The following GRIA2 variants were observed in gnomAD, a reference collection of about 807,000 sequenced individuals.
GRIA2 encodes the protein glutamate ionotropic receptor AMPA type subunit 2, also known as glutamate receptor 2.
Under a neutral mutation model 97.3 loss-of-function variants are expected in GRIA2, and 14 were observed. The ratio of observed to expected loss-of-function variants is 0.14; its 90% CI spans 0.10 to 0.23. GRIA2 has a LOEUF of 0.23. Among genes scored for constraint, GRIA2 ranks in the 10% least tolerant of loss-of-function variants. GRIA2 has a pLI of 1.00. For missense variants in GRIA2, 558 were observed against 1,069.8 expected (o/e 0.52, Z 6.67); for synonymous variants, 412 against 387.8 (o/e 1.06, Z -0.73).
chr4:157,300,677 C>G (rs768356094), intron 2 of GRIA2, among the ~76,000 whole-genome samples: 4 of 151,928 alleles, frequency 2.6e-5, no homozygotes, highest in Non-Finnish European at 5.9e-5. Flanking sequence ...TGAGGGAGAC[C>G]AAAGAGAGTC....
intron 2 of GRIA2, among the ~76,000 whole-genome samples, chr4:157,294,041 G>A (rs1218895607): frequency 1.3e-5 from 2 of 152,104 alleles, no homozygotes; most frequent in Non-Finnish European, 2.9e-5. Context: ...TAAGTACTAT[G>A]GCACATGCGC....
chr4:157,286,978 AT>A (rs1055266917), intron 2 of GRIA2, among the ~76,000 whole-genome samples: 1 of 151,464 alleles, frequency 6.6e-6, no homozygotes, highest in Non-Finnish European at 1.5e-5. Context: ...AATTTAAAAT[AT>A]TTTTTTGATC....
intron 2 of GRIA2, among the ~76,000 whole-genome samples, chr4:157,293,805 A>G (rs1733213624): frequency 6.6e-6 from 1 of 152,072 alleles, no homozygotes; most frequent in Non-Finnish European, 1.5e-5. Flanking sequence ...GCAATGTTAG[A>G]GCAATGTGCC....
chr4:157,238,834 C>T (rs1441498196), intron 2 of GRIA2, among the ~76,000 whole-genome samples: 1 of 152,198 alleles, frequency 6.6e-6, no homozygotes, highest in East Asian at 1.9e-4. Flanking sequence ...AAAGTCTAGT[C>T]TTTCATACCC....
At chr4:157,363,286 A>G (rs1158737239) in intron 15 of GRIA2, 149 bp from the exon 16 acceptor site, 1 of 611,848 alleles carries the variant, frequency 1.6e-6, no homozygotes, top group Admixed American at 3.4e-5. Context: ...TATTATTTGT[A>G]GTTCAGCTTT....
At chr4:157,289,530 A>G (rs943436241) in intron 2 of GRIA2, among the ~76,000 whole-genome samples, 2 of 151,860 alleles carry the variant, frequency 1.3e-5, no homozygotes, top group Non-Finnish European at 2.9e-5. Context: ...GGTAAAATTC[A>G]AGATTCTTAA....
At chr4:157,356,518 A>T (rs981639281) in intron 12 of GRIA2, among the ~76,000 whole-genome samples, 1 of 151,968 alleles carries the variant, frequency 6.6e-6, no homozygotes, top group Non-Finnish European at 1.5e-5. Flanking sequence ...GTTGCTTATG[A>T]GGGTGGTGAT....
chr4:157,225,717 T>C (rs1370476745), intron 2 of GRIA2, among the ~76,000 whole-genome samples: 1 of 151,664 alleles, frequency 6.6e-6, no homozygotes, highest in Non-Finnish European at 1.5e-5. Context: ...TTGGTAGCTG[T>C]GGTCTTGTCT....
intron 6 of GRIA2, among the ~76,000 whole-genome samples, chr4:157,322,695 T>C (rs1734630245): frequency 6.6e-6 from 1 of 152,154 alleles, no homozygotes; most frequent in South Asian, 2.1e-4. Flanking sequence ...TCACATTCTT[T>C]ATGAAAATTA....
chr4:157,312,166 A>G (rs957182298), intron 3 of GRIA2, among the ~76,000 whole-genome samples: 9 of 152,232 alleles, frequency 5.9e-5, no homozygotes, highest in Non-Finnish European at 1.3e-4. Flanking sequence ...TGAAAACAAT[A>G]GGAGAAAATA....
At chr4:157,233,778 T>G (rs1730124850) in intron 2 of GRIA2, among the ~76,000 whole-genome samples, 1 of 152,102 alleles carries the variant, frequency 6.6e-6, no homozygotes, top group South Asian at 2.1e-4. Context: ...TTTTATAGCT[T>G]TATGTATAAT....
intron 2 of GRIA2, among the ~76,000 whole-genome samples, chr4:157,253,102 T>C (rs1369319357): frequency 1.3e-5 from 2 of 151,764 alleles, no homozygotes; most frequent in Non-Finnish European, 2.9e-5. Context: ...CTGATAAATA[T>C]CTTAATCCCC....
intron 2 of GRIA2, among the ~76,000 whole-genome samples, chr4:157,286,804 T>C (rs1238262981): frequency 6.6e-6 from 1 of 151,586 alleles, no homozygotes; most frequent in Non-Finnish European, 1.5e-5. Context: ...TGTCTTCCAG[T>C]TTCCTTTGTG....
At chr4:157,314,581 A>C (rs2126889815) in intron 4 of GRIA2, among the ~76,000 whole-genome samples, 1 of 152,298 alleles carries the variant, frequency 6.6e-6, no homozygotes, top group Non-Finnish European at 1.5e-5. Flanking sequence ...GAATTTTAAT[A>C]ATATTCATTA....
intron 12 of GRIA2, among the ~76,000 whole-genome samples, chr4:157,347,214 T>A (rs1735801272): frequency 6.6e-6 from 1 of 152,188 alleles, no homozygotes; most frequent in Non-Finnish European, 1.5e-5. Flanking sequence ...AAGGTGTATG[T>A]CCCCTTGTTG....
chr4:157,280,074 G>A (rs544538922), intron 2 of GRIA2, among the ~76,000 whole-genome samples: 21 of 152,218 alleles, frequency 1.4e-4, no homozygotes, highest in East Asian at 3.9e-4. Flanking sequence ...GCCATAAGCC[G>A]AGATCACGCC....
chr4:157,299,651 G>T (rs1733526132), intron 2 of GRIA2, among the ~76,000 whole-genome samples: 1 of 152,078 alleles, frequency 6.6e-6, no homozygotes, highest in African/African-American at 2.4e-5. Context: ...CAGCATTGTT[G>T]TTGGCTTATA....
intron 5 of GRIA2, among the ~76,000 whole-genome samples, 171 bp from the exon 6 acceptor site, chr4:157,321,267 G>A (rs1363920121): frequency 6.6e-6 from 1 of 152,140 alleles, no homozygotes; most frequent in Non-Finnish European, 1.5e-5. Flanking sequence ...GGGGTTAGGT[G>A]CTGATGAAGA....
Position 157,363,015 on chromosome 4 carries a change from G to A in GRIA2, c.2623G>A (p.Val875Ile). 6.2e-7 allele frequency: 1 copy of A among 1,612,766 alleles called. No homozygotes were observed. Among genetic ancestry groups the A allele is most frequent in the Non-Finnish European group, 8.5e-7 (1 of 1,179,078 alleles). Residue 875 changes from valine (V) to isoleucine (I), a missense_variant, in exon 15 of 16, where the codon GTA (valine) becomes ATA (isoleucine). Around this residue, in one of 8 missense-constraint regions of GRIA2, gnomAD observed 54 missense variants for 82.1 expected, o/e 0.66. Coordinates refer to ENST00000264426, the MANE Select transcript of GRIA2 (RefSeq NM_001083619.3). Reference sequence around the variant, plus strand: ...TGCAACTTATAAGGAAGGTTACAACGTATATGGCATCGAAAGTGTTAAAAT... The same window carrying A: ...TGCAACTTATAAGGAAGGTTACAACATATATGGCATCGAAAGTGTTAAAAT... The part of the protein sequence containing the change: ...NFATYKEGYN[V>I]YGIESVKI
Sources: allele counts gnomAD v4.1 joint callset (sites outside exome capture counted in the v4.1 genomes callset), GRCh38; gene constraint gnomAD v4.1.1; regional missense constraint gnomAD v4.1.1; transcripts MANE v1.5; gene names NCBI Gene and HGNC (gene_info 2026-07-23, HGNC 2026-07-21).